Variants in NRG1 observed in about 807,000 individuals in gnomAD.
The protein encoded by NRG1 is pro-neuregulin-1, membrane-bound isoform.
A neutral mutation model predicts 63.8 loss-of-function variants in NRG1; 18 were observed. That is an observed-to-expected ratio of 0.28 (90% CI 0.19 to 0.42). The LOEUF (loss-of-function observed/expected upper bound fraction) is 0.42. NRG1 is among the 10% of genes least tolerant of loss of function. The pLI is 1.00. For missense variants in NRG1, 762 were observed against 814.7 expected (o/e 0.94, Z 0.79); for synonymous variants, 302 against 301.3 (o/e 1.00, Z -0.02).
intron 1 of NRG1, among the ~76,000 whole-genome samples, chr8:32,040,234 T>G (rs542878097): frequency 5.4e-4 from 83 of 152,310 alleles, no homozygotes; most frequent in Middle Eastern, 3.4e-3. Flanking sequence ...TGACCTTCCT[T>G]AGAAGTTCTA....
intron 1 of NRG1, among the ~76,000 whole-genome samples, chr8:32,500,185 C>CT (rs1179613212): frequency 6.6e-6 from 1 of 152,110 alleles, no homozygotes; most frequent in Non-Finnish European, 1.5e-5. Flanking sequence ...AGCACGTAGG[C>CT]TTTTTTGTGT....
intron 1 of NRG1, among the ~76,000 whole-genome samples, chr8:32,541,135 G>A (rs1370820443): frequency 7.2e-5 from 11 of 152,028 alleles, no homozygotes; most frequent in South Asian, 2.1e-4. Flanking sequence ...TTCTAGGCCC[G>A]GATCCAGGGG....
chr8:31,814,683 T>C (rs1823265447), intron 1 of NRG1, among the ~76,000 whole-genome samples: 1 of 149,450 alleles, frequency 6.7e-6, no homozygotes, highest in African/African-American at 2.4e-5. Context: ...TAAAATTAAA[T>C]ATTAAATAAT....
intron 7 of NRG1, chr8:32,750,011 G>A (rs1245034816): frequency 2.3e-5 from 4 of 174,114 alleles, no homozygotes; most frequent in African/African-American, 9.6e-5. Flanking sequence ...TCTTAGCCTG[G>A]TAGGATTTTT....
At chr8:31,823,657 A>T (rs1053917567) in intron 1 of NRG1, among the ~76,000 whole-genome samples, 1 of 152,230 alleles carries the variant, frequency 6.6e-6, no homozygotes, top group African/African-American at 2.4e-5. Flanking sequence ...AATGTAACTG[A>T]GCAAATGAAA....
At chr8:31,771,831 C>T (rs2131575149) in intron 1 of NRG1, among the ~76,000 whole-genome samples, 2 of 152,300 alleles carry the variant, frequency 1.3e-5, no homozygotes, top group South Asian at 4.1e-4. Flanking sequence ...CTATACTTGG[C>T]TTTTCTCCAT....
At chr8:31,942,113 G>A (rs950722700) in intron 1 of NRG1, among the ~76,000 whole-genome samples, 2 of 152,072 alleles carry the variant, frequency 1.3e-5, no homozygotes, top group African/African-American at 2.4e-5. Flanking sequence ...AAATCTGAAG[G>A]CATCACATTA....
At chr8:32,678,892 A>T (rs1172151790) in intron 5 of NRG1, among the ~76,000 whole-genome samples, 2 of 135,380 alleles carry the variant, frequency 1.5e-5, no homozygotes, top group Non-Finnish European at 3.4e-5. Context: ...GCTCAAAAAA[A>T]GTTTTAATTT....
chr8:32,431,487 G>A (rs775532775), intron 1 of NRG1, among the ~76,000 whole-genome samples: 2 of 152,050 alleles, frequency 1.3e-5, no homozygotes, highest in African/African-American at 2.4e-5. Flanking sequence ...GTTTCCCTCT[G>A]CCTTGCGGGT....
At chr8:32,690,440 G>A (rs1249229509) in intron 5 of NRG1, among the ~76,000 whole-genome samples, 3 of 152,062 alleles carry the variant, frequency 2.0e-5, no homozygotes, top group African/African-American at 7.2e-5. Context: ...AATTTATCGT[G>A]GCTGGACCAT....
chr8:32,627,833 G>A (rs1375099403), intron 5 of NRG1, among the ~76,000 whole-genome samples: 1 of 152,098 alleles, frequency 6.6e-6, no homozygotes, highest in Non-Finnish European at 1.5e-5. Flanking sequence ...TAAAATTCAT[G>A]TATTAAGAGC....
chr8:31,771,007 T>C (rs1038780683), intron 1 of NRG1, among the ~76,000 whole-genome samples: 2 of 152,038 alleles, frequency 1.3e-5, no homozygotes, highest in African/African-American at 4.8e-5. Context: ...TTTCAGTAGT[T>C]CTTACATGCA....
rs150108308 is a variant in NRG1, at chr8:32,665,602, A to G, written c.502+48717A>G. On this transcript the variant is annotated intron_variant, in intron 5 of 11. Transcript: ENST00000356819. ...ATGTTCCAGGGAAAGGAATAGTTCA[A>G]GATTAAAGAGGCAATCAGTGTATTG... Among the ~76,000 whole-genome samples the G allele has an allele frequency of 3.1e-3, 475 of 152,294 alleles. 1 individual carries two copies. The highest frequency in any genetic ancestry group is 5.0e-3 in the Non-Finnish European group (341 of 68,012).
intron 1 of NRG1, among the ~76,000 whole-genome samples, chr8:32,592,975 AT>A (rs1468540372): frequency 4.6e-5 from 7 of 152,230 alleles, no homozygotes; most frequent in Non-Finnish European, 8.8e-5. Context: ...TATATATGGT[AT>A]TCTTATAATA....
In NRG1 at chr8:31,690,822, A is replaced by G. The variant is rs141396748; in HGVS notation, c.37+51391A>G. ...ATGATGAGCAGGTTTGGTAGAGAAG[A>G]TCAAGAGTTTGTGTTGGGCCTGTTA... On this transcript the variant is annotated intron_variant, in intron 1 of 10. Coordinates refer to the NRG1 transcript ENST00000519301. Among the ~76,000 whole-genome samples the G allele has an allele frequency of 5.3e-5, 8 of 152,288 alleles. No homozygotes were observed. The East Asian group carries it at 1.5e-3, about 29-fold the overall frequency.
At chr8:32,263,923 G>C (rs373811182) in intron 1 of NRG1, among the ~76,000 whole-genome samples, 5 of 152,266 alleles carry the variant, frequency 3.3e-5, no homozygotes, top group African/African-American at 9.6e-5. Context: ...AGAGCTGAGG[G>C]TATTTAAGAA....
intron 5 of NRG1, among the ~76,000 whole-genome samples, chr8:32,658,761 G>A (rs73590646): frequency 0.01 from 1,570 of 152,224 alleles, 24 homozygotes; most frequent in African/African-American, 0.036. Context: ...CATTTTTTCT[G>A]CACTTCTGAT....
intron 5 of NRG1, among the ~76,000 whole-genome samples, chr8:32,677,273 T>TAACTATAATAA (rs1807376993): frequency 6.6e-6 from 1 of 152,232 alleles, no homozygotes; most frequent in Non-Finnish European, 1.5e-5. Context: ...CAGATAATTT[T>TAACTATAATAA]AGGAAATTGG....
At chr8:32,643,150 T>C (rs956774547) in intron 5 of NRG1, among the ~76,000 whole-genome samples, 2 of 152,206 alleles carry the variant, frequency 1.3e-5, no homozygotes, top group African/African-American at 4.8e-5. Flanking sequence ...TATTACCGTG[T>C]CTCTTCTTGA....
Sources: gnomAD v4.1 joint callset for allele counts (sites outside exome capture counted in the v4.1 genomes callset) on GRCh38, gnomAD v4.1.1 for gene constraint, MANE v1.5 for transcripts, NCBI Gene and HGNC (gene_info 2026-07-23, HGNC 2026-07-21) for gene names.